The following BCKDHB variants were observed in gnomAD, a reference collection of about 807,000 sequenced individuals.
BCKDHB encodes branched chain keto acid dehydrogenase E1 subunit beta.
A neutral mutation model predicts 48.5 loss-of-function variants in BCKDHB; 41 were observed. The ratio of observed to expected loss-of-function variants is 0.85; its 90% CI spans 0.66 to 1.10. The LOEUF (loss-of-function observed/expected upper bound fraction) is 1.10, where lower values mean the gene tolerates loss of function less well. Among genes scored for constraint, BCKDHB ranks in the 50% least tolerant of loss-of-function variants. The pLI is 0.00. For synonymous variants in BCKDHB, 201 were observed against 174.8 expected, an observed-to-expected ratio of 1.15 and a Z score of -1.18; for missense variants, 496 against 494.2, an observed-to-expected ratio of 1.00 and a Z score of -0.03.
intron 1 of BCKDHB, among the ~76,000 whole-genome samples, chr6:80,119,801 T>C (rs191090220): frequency 1.3e-5 from 2 of 152,328 alleles, no homozygotes; most frequent in Admixed American, 6.5e-5. Context: ...AAATTATTCC[T>C]TGATCTGTGA....
intron 9 of BCKDHB, among the ~76,000 whole-genome samples, chr6:80,292,749 G>C (rs1289595549): frequency 6.6e-6 from 1 of 152,172 alleles, no homozygotes; most frequent in Non-Finnish European, 1.5e-5. Flanking sequence ...CCTTACACCT[G>C]TGAGCCTGTA....
chr6:80,352,999 A>G, the BCKDHB span, among the ~76,000 whole-genome samples: 12 of 152,314 alleles, frequency 7.9e-5, no homozygotes, highest in African/African-American at 2.6e-4. Context: ...TAGGGTCTCC[A>G]TCACCCAGAT....
chr6:80,241,137 G>A (rs562793505), intron 8 of BCKDHB, among the ~76,000 whole-genome samples: 2 of 150,986 alleles, frequency 1.3e-5, no homozygotes, highest in African/African-American at 2.5e-5. Flanking sequence ...GTTTATTTTA[G>A]TTAGCCATTT....
chr6:80,128,731 C>T (rs1770469253), intron 2 of BCKDHB, among the ~76,000 whole-genome samples: 1 of 152,178 alleles, frequency 6.6e-6, no homozygotes. Context: ...TACCACTTCT[C>T]TGGTCTCGTT....
intron 1 of BCKDHB, among the ~76,000 whole-genome samples, chr6:80,123,841 C>T (rs1210150588): frequency 2.6e-5 from 4 of 152,074 alleles, no homozygotes; most frequent in Admixed American, 2.0e-4. Context: ...TTCAAAAAAC[C>T]AGCTCCTGGA....
chr6:80,216,816 T>C (rs1331894229), intron 8 of BCKDHB, among the ~76,000 whole-genome samples: 1 of 152,228 alleles, frequency 6.6e-6, no homozygotes, highest in Non-Finnish European at 1.5e-5. Flanking sequence ...ATTTATTCTG[T>C]AATCGTTAAG....
At chr6:80,302,201 A>G (rs552213778) in intron 9 of BCKDHB, among the ~76,000 whole-genome samples, 1 of 152,256 alleles carries the variant, frequency 6.6e-6, no homozygotes, top group African/African-American at 2.4e-5. Flanking sequence ...GAAATGAAGA[A>G]ATCAAACTGG....
intron 5 of BCKDHB, 56 bp downstream of exon 5, chr6:80,169,086 A>G: frequency 1.9e-6 from 3 of 1,576,048 alleles, no homozygotes; most frequent in Non-Finnish European, 2.6e-6. Context: ...ATTTTGATTC[A>G]TTCTATTTAA....
At chr6:80,391,122 C>G in the BCKDHB span, among the ~76,000 whole-genome samples, 1 of 151,890 alleles carries the variant, frequency 6.6e-6, no homozygotes, top group African/African-American at 2.4e-5. Flanking sequence ...GGCAGCATTC[C>G]TCCCTCTGGA....
the BCKDHB span, among the ~76,000 whole-genome samples, chr6:80,462,166 G>A: frequency 6.6e-6 from 1 of 152,026 alleles, no homozygotes; most frequent in African/African-American, 2.4e-5. Context: ...GCCTAAGTTA[G>A]GAGTTCTTTC....
In BCKDHB at chr6:80,321,430, T is replaced by C. The variant is rs149358297; in HGVS notation, c.1039-22234T>C. On this transcript the variant is annotated intron_variant, in intron 9 of 9. Transcript: ENST00000320393. ...GTGGATTATCTGAACAGGACTCCTG[T>C]GGAATGGTTGTGGTAATGTAATTCA... is the stretch of plus-strand genomic sequence containing the variant. Among the ~76,000 whole-genome samples the C allele has an allele frequency of 5.3e-3, 814 of 152,284 alleles. 3 individuals carry two copies. The highest frequency in any genetic ancestry group is 0.018 in the African/African-American group (761 of 41,548).
intron 9 of BCKDHB, among the ~76,000 whole-genome samples, chr6:80,300,220 T>G (rs769908742): frequency 1.2e-4 from 18 of 152,030 alleles, no homozygotes; most frequent in Non-Finnish European, 2.6e-4. Context: ...CCAGCTAATT[T>G]TAGTTGTTTT....
the BCKDHB span, among the ~76,000 whole-genome samples, chr6:80,416,202 C>A: frequency 6.8e-6 from 1 of 147,796 alleles, no homozygotes; most frequent in African/African-American, 2.5e-5. Flanking sequence ...TTTATTAGTT[C>A]TTCCAGAAAA....
chr6:80,403,486 T>C, the BCKDHB span, among the ~76,000 whole-genome samples: 102 of 152,056 alleles, frequency 6.7e-4, no homozygotes, highest in Middle Eastern at 0.01. Context: ...TGGTGGATTC[T>C]TTAGGGTTTT....
the BCKDHB span, among the ~76,000 whole-genome samples, chr6:80,445,192 G>A: frequency 6.6e-6 from 1 of 152,104 alleles, no homozygotes. Flanking sequence ...CCCTTTGCCT[G>A]GCACATCCCA....
At chr6:80,407,200 G>A in the BCKDHB span, among the ~76,000 whole-genome samples, 3 of 152,188 alleles carry the variant, frequency 2.0e-5, no homozygotes, top group Admixed American at 1.3e-4. Flanking sequence ...CCTCTGTTCT[G>A]TTTCATTTGT....
the BCKDHB span, among the ~76,000 whole-genome samples, chr6:80,353,170 G>A: frequency 6.6e-6 from 1 of 152,050 alleles, no homozygotes; most frequent in Non-Finnish European, 1.5e-5. Flanking sequence ...TTGACTTTCT[G>A]TGTCTGGCTT....
intron 8 of BCKDHB, among the ~76,000 whole-genome samples, chr6:80,248,069 G>C (rs1213971745): frequency 6.6e-6 from 1 of 152,162 alleles, no homozygotes; most frequent in Non-Finnish European, 1.5e-5. Context: ...TTAGGTGGTT[G>C]TTATTAATTT....
intron 8 of BCKDHB, among the ~76,000 whole-genome samples, chr6:80,234,215 G>A (rs1301419008): frequency 6.6e-6 from 1 of 152,214 alleles, no homozygotes; most frequent in Non-Finnish European, 1.5e-5. Context: ...TGGCCTGGGG[G>A]TTGGGGACCC....
Sources: gnomAD v4.1 joint callset for allele counts (sites outside exome capture counted in the v4.1 genomes callset) on GRCh38, gnomAD v4.1.1 for gene constraint, MANE v1.5 for transcripts, NCBI Gene and HGNC (gene_info 2026-07-23, HGNC 2026-07-21) for gene names.